Variants in DCC observed in about 807,000 individuals in gnomAD.
The protein encoded by DCC is DCC netrin 1 receptor.
A neutral mutation model predicts 172.5 loss-of-function variants in DCC; 58 were observed. That is an observed-to-expected ratio of 0.34 (90% CI 0.27 to 0.42). DCC has a LOEUF of 0.42. DCC is among the 10% of genes least tolerant of loss of function. DCC has a pLI of 1.00. For missense variants in DCC, 1,740 were observed against 1,791.0 expected, an observed-to-expected ratio of 0.97 and a Z score of 0.51; for synonymous variants, 709 against 644.5, an observed-to-expected ratio of 1.10 and a Z score of -1.52.
chr18:53,248,350 T>C (rs1189386667), intron 12 of DCC, among the ~76,000 whole-genome samples: 1 of 152,002 alleles, frequency 6.6e-6, no homozygotes, highest in Non-Finnish European at 1.5e-5. Flanking sequence ...CCTGTGGGCA[T>C]ACTGTGGCCA....
intron 14 of DCC, among the ~76,000 whole-genome samples, chr18:53,333,156 G>A (rs2057550783): frequency 6.6e-6 from 1 of 151,994 alleles, no homozygotes; most frequent in African/African-American, 2.4e-5. Flanking sequence ...GTGAATAGAA[G>A]TGGTTGTCCA....
chr18:52,506,757 T>C (rs923419920), intron 1 of DCC, among the ~76,000 whole-genome samples: 1 of 152,166 alleles, frequency 6.6e-6, no homozygotes, highest in African/African-American at 2.4e-5. Flanking sequence ...TTACTGATTA[T>C]TGTTATTTTA....
At chr18:53,023,188 A>G (rs529073286) in intron 5 of DCC, among the ~76,000 whole-genome samples, 73 of 152,080 alleles carry the variant, frequency 4.8e-4, no homozygotes, top group African/African-American at 1.7e-3. Flanking sequence ...AGTCTATAAT[A>G]AAGCTGTTTA....
At chr18:53,335,142 A>T (rs73957152) in intron 14 of DCC, among the ~76,000 whole-genome samples, 6,804 of 151,772 alleles carry the variant, frequency 0.045, 483 homozygotes, top group African/African-American at 0.15. Flanking sequence ...TGAATACCAA[A>T]CTCATCCCTG....
intron 1 of DCC, among the ~76,000 whole-genome samples, chr18:52,378,558 A>T (rs573794083): frequency 2.6e-5 from 4 of 151,562 alleles, no homozygotes; most frequent in South Asian, 2.1e-4. Flanking sequence ...ACTTTTTTTG[A>T]GAGAGAGAGA....
chr18:52,459,882 C>CATATATAT (rs34562886), intron 1 of DCC, among the ~76,000 whole-genome samples: 52 of 148,696 alleles, frequency 3.5e-4, no homozygotes, highest in East Asian at 6.0e-4. Flanking sequence ...GCATAGTATT[C>CATATATAT]ATATATATAT....
intron 2 of DCC, among the ~76,000 whole-genome samples, chr18:52,844,390 G>T (rs11878160): frequency 0.025 from 3,736 of 152,060 alleles, 138 homozygotes; most frequent in African/African-American, 0.082. Flanking sequence ...TCTTTAAGAG[G>T]GTTAACCTCC....
At chr18:53,522,281 GAAA>G (rs11336516) in intron 27 of DCC, among the ~76,000 whole-genome samples, 1 of 139,962 alleles carries the variant, frequency 7.1e-6, no homozygotes, top group African/African-American at 2.6e-5. Context: ...CAGAAGTTTG[GAAA>G]AAAAAAAAAA....
intron 11 of DCC, among the ~76,000 whole-genome samples, chr18:53,213,431 C>T (rs898300821): frequency 3.3e-5 from 5 of 151,694 alleles, no homozygotes; most frequent in Admixed American, 6.6e-5. Flanking sequence ...GGGTGGATCA[C>T]GAGGTCAGGA....
chr18:52,495,271 C>T (rs2030697066), intron 1 of DCC, among the ~76,000 whole-genome samples: 1 of 152,090 alleles, frequency 6.6e-6, no homozygotes, highest in South Asian at 2.1e-4. Context: ...TTTCATTTCC[C>T]TCTTTTAAGT....
intron 1 of DCC, among the ~76,000 whole-genome samples, chr18:52,661,177 T>A (rs1051981152): frequency 6.6e-6 from 1 of 152,100 alleles, no homozygotes; most frequent in Non-Finnish European, 1.5e-5. Flanking sequence ...CAAGTAAGTG[T>A]GGGCTGTAGT....
chr18:53,303,485 A>C lies in DCC; in HGVS notation c.1912-2093A>C, dbSNP rs536052057. ...TGGTAATCTTAAATTGTCAGTTTAC[A>C]TTAAAATGAAGTATGAAAAAGCTGA... On this transcript the variant is annotated intron_variant, in intron 12 of 28. Coordinates refer to ENST00000442544, the MANE Select transcript of DCC (RefSeq NM_005215.4). 2.6e-5 allele frequency among the ~76,000 whole-genome samples: 4 copies of C among 152,332 alleles called. No individual in the cohort carries two copies. In the South Asian group the frequency reaches 8.3e-4, roughly 32 times the overall value.
intron 5 of DCC, among the ~76,000 whole-genome samples, chr18:52,929,112 C>T (rs1351725219): frequency 6.6e-6 from 1 of 152,082 alleles, no homozygotes; most frequent in East Asian, 1.9e-4. Context: ...CGAGGAGCTG[C>T]CTCTCTAGGG....
chr18:52,584,429 A>G (rs1485972765), intron 1 of DCC, among the ~76,000 whole-genome samples: 2 of 152,210 alleles, frequency 1.3e-5, no homozygotes, highest in Non-Finnish European at 2.9e-5. Flanking sequence ...AGAGAGATGG[A>G]GAGACAGAGA....
intron 7 of DCC, among the ~76,000 whole-genome samples, chr18:53,113,165 T>TA (rs1173035319): frequency 6.6e-6 from 1 of 151,470 alleles, no homozygotes; most frequent in Non-Finnish European, 1.5e-5. Context: ...GAAAACAATG[T>TA]AAAAGAGAAG....
chr18:52,352,953 A>C (rs544193703), intron 1 of DCC, among the ~76,000 whole-genome samples: 161 of 152,316 alleles, frequency 1.1e-3, no homozygotes, highest in African/African-American at 3.7e-3. Flanking sequence ...TGACTGAGGA[A>C]TACTGCTCTA....
rs1333881183 is a variant in DCC, at chr18:53,464,522, G to A, written c.3620-3372G>A. On this transcript the variant is annotated intron_variant, in intron 24 of 28. Transcript: ENST00000442544. ...GCAAGTTTATGAGACAAGCCACAAA[G>A]TGTTACTACCAAAAAATTTTATGCT... is the stretch of plus-strand genomic sequence containing the variant. 2.0e-5 allele frequency among the ~76,000 whole-genome samples: 3 copies of A among 151,870 alleles called. No individual in the cohort carries two copies. In the East Asian group the frequency reaches 5.8e-4, roughly 29 times the overall value.
At chr18:52,383,915 T>C (rs762307669) in intron 1 of DCC, among the ~76,000 whole-genome samples, 25 of 152,130 alleles carry the variant, frequency 1.6e-4, no homozygotes, top group Non-Finnish European at 3.1e-4. Flanking sequence ...TTCTTGTATA[T>C]GTATGTAAGC....
intron 1 of DCC, among the ~76,000 whole-genome samples, chr18:52,629,083 C>G (rs1002007784): frequency 1.3e-5 from 2 of 152,166 alleles, no homozygotes; most frequent in Non-Finnish European, 2.9e-5. Flanking sequence ...AATGTCTACT[C>G]ACTTTCAAAA....
Sources: allele counts gnomAD v4.1 joint callset (sites outside exome capture counted in the v4.1 genomes callset), GRCh38; gene constraint gnomAD v4.1.1; transcripts MANE v1.5; gene names NCBI Gene and HGNC (gene_info 2026-07-23, HGNC 2026-07-21).